The following RAPGEF6 variants were observed in gnomAD, a reference collection of about 807,000 sequenced individuals.
RAPGEF6 encodes PDZ domain containing guanine nucleotide exchange factor (GEF) 2.
Under a neutral mutation model 171.4 loss-of-function variants are expected in RAPGEF6, and 56 were observed. That is an observed-to-expected ratio of 0.33 (90% confidence interval 0.26 to 0.41). RAPGEF6 has a LOEUF of 0.41. RAPGEF6 is among the 10% of genes least tolerant of loss of function. The probability of loss-of-function intolerance (pLI) is 1.00; values close to 1 mark genes in which losing one functional copy is unlikely to be tolerated. For missense variants in RAPGEF6, 1,674 were observed against 1,921.4 expected (o/e 0.87, Z 2.41); for synonymous variants, 692 against 650.1 (o/e 1.06, Z -0.98).
intron 4 of RAPGEF6, among the ~76,000 whole-genome samples, chr5:131,575,234 G>A (rs1400706113): frequency 6.6e-6 from 1 of 152,070 alleles, no homozygotes; most frequent in Non-Finnish European, 1.5e-5. Flanking sequence ...TACTGCCAAG[G>A]CTTCAGAGAC....
intron 5 of RAPGEF6, among the ~76,000 whole-genome samples, chr5:131,553,183 A>T (rs1295195168): frequency 1.3e-5 from 2 of 152,154 alleles, no homozygotes; most frequent in African/African-American, 4.8e-5. Flanking sequence ...GAGCACAGAG[A>T]AGGCCTAAAA....
At chr5:131,559,408 G>A (rs1346720844) in intron 5 of RAPGEF6, among the ~76,000 whole-genome samples, 2 of 152,102 alleles carry the variant, frequency 1.3e-5, no homozygotes, top group Non-Finnish European at 2.9e-5. Flanking sequence ...TTTTACTAAG[G>A]ACAATTTTTG....
rs1755349901 is a variant in RAPGEF6 at position 131,479,849 on chromosome 5, T to C, written c.1841-96A>G. On this transcript the variant is annotated intron_variant, in intron 15 of 27. Transcript: ENST00000509018. ...TAAGGATAAACACAGTGACTTTCCATTATTTGAACTTTCTCAGTCTCATTC... is the reference window on the plus strand; with the variant it reads ...TAAGGATAAACACAGTGACTTTCCACTATTTGAACTTTCTCAGTCTCATTC... 16 of 1,285,310 alleles carry C rather than the reference T, an allele frequency of 1.2e-5. No homozygotes were observed. The South Asian group carries it at 2.3e-4, about 19-fold the overall frequency. 79.6% of individuals were successfully genotyped at this position (1,285,310 alleles called of 1,614,324 possible). A position where few individuals can be genotyped will look rare whatever the true frequency, so the allele number is the denominator to read the frequency against.
chr5:131,486,709 C>A (rs1005288402), intron 15 of RAPGEF6, among the ~76,000 whole-genome samples: 10 of 142,140 alleles, frequency 7.0e-5, no homozygotes, highest in Admixed American at 2.9e-4. Flanking sequence ...ATATCCTGTT[C>A]TTGTTTCAAG....
chr5:131,521,126 G>T (rs951312309), intron 7 of RAPGEF6, among the ~76,000 whole-genome samples: 1 of 152,060 alleles, frequency 6.6e-6, no homozygotes, highest in Admixed American at 6.6e-5. Context: ...ACAAGCATTA[G>T]ATATTAATAT....
Position 131,427,146 on chromosome 5 carries a change from A to G in RAPGEF6, c.*120T>C. 1 of 912,600 alleles carries G rather than the reference A, an allele frequency of 1.1e-6. No individual in the cohort carries two copies. The highest frequency in any genetic ancestry group is 2.0e-5 in the Admixed American group (1 of 50,822). The allele number at this position is 912,600 out of a possible 1,614,324, so 56.5% of individuals were successfully genotyped here. On this transcript the variant is annotated 3_prime_UTR_variant, in exon 28 of 28. Transcript: ENST00000509018. The stretch of plus-strand genomic sequence containing the variant: ...TTTCATTGCTCGGAGTAGAGGGAAT[A>G]AAACCTCTGGACTGGTTGTAGCAAT...
At chr5:131,484,724 T>C (rs1235772314) in intron 15 of RAPGEF6, among the ~76,000 whole-genome samples, 4 of 152,160 alleles carry the variant, frequency 2.6e-5, no homozygotes, top group Non-Finnish European at 5.9e-5. Flanking sequence ...AATATGACAT[T>C]AACTCAACAG....
chr5:131,594,843 G>C (rs1763800842), intron 3 of RAPGEF6, among the ~76,000 whole-genome samples: 1 of 152,074 alleles, frequency 6.6e-6, no homozygotes, highest in African/African-American at 2.4e-5. Context: ...CCTTTATTTT[G>C]GCCAATTTCT....
rs3776014 is a variant in RAPGEF6 at position 131,531,456 on chromosome 5, A to G, written c.496-9935T>C. ...TACAACCTAGCCTGGAAGGTTGTAT[A>G]GCACTTTGCTTTTTTGTGAGTTATT... On this transcript the variant is annotated intron_variant, in intron 6 of 27. Transcript: ENST00000509018. 3.3e-4 allele frequency among the ~76,000 whole-genome samples: 51 copies of G among 152,334 alleles called. 1 individual carries two copies. The East Asian group carries it at 9.1e-3, about 27-fold the overall frequency.
chr5:131,508,827 G>A (rs1303390137), intron 8 of RAPGEF6, among the ~76,000 whole-genome samples: 2 of 152,138 alleles, frequency 1.3e-5, no homozygotes, highest in Non-Finnish European at 2.9e-5. Flanking sequence ...ATATCCATAG[G>A]ACATAGGAAT....
chr5:131,429,280 C>A, intron 26 of RAPGEF6, 64 bp from the exon 27 acceptor site: 2 of 1,320,768 alleles, frequency 1.5e-6, no homozygotes, highest in East Asian at 2.4e-5. Context: ...AAGAAACCAC[C>A]CCACAAACTT....
chr5:131,473,831 C>CTGTT (rs1412729727), intron 16 of RAPGEF6, among the ~76,000 whole-genome samples: 1 of 152,052 alleles, frequency 6.6e-6, no homozygotes, highest in Non-Finnish European at 1.5e-5. Context: ...GAGAGTTAGA[C>CTGTT]TGTTAAATAA....
At chr5:131,548,418 A>C (rs1358945746) in intron 5 of RAPGEF6, among the ~76,000 whole-genome samples, 8 of 152,222 alleles carry the variant, frequency 5.3e-5, no homozygotes, top group African/African-American at 1.9e-4. Flanking sequence ...TCTCTTGTGC[A>C]CATAAACATA....
At chr5:131,444,774 T>A (rs1033587113) in intron 22 of RAPGEF6, among the ~76,000 whole-genome samples, 2 of 152,168 alleles carry the variant, frequency 1.3e-5, no homozygotes, top group African/African-American at 4.8e-5. Context: ...CTGTGTTTCA[T>A]AACCATAAGA....
At chr5:131,515,439 A>G (rs554773400) in intron 7 of RAPGEF6, among the ~76,000 whole-genome samples, 1 of 152,332 alleles carries the variant, frequency 6.6e-6, no homozygotes, top group African/African-American at 2.4e-5. Flanking sequence ...CTTGAAGCCA[A>G]TATTGGTTTC....
chr5:131,536,868 A>T (rs1269542534), intron 6 of RAPGEF6, among the ~76,000 whole-genome samples: 1 of 152,234 alleles, frequency 6.6e-6, no homozygotes. Flanking sequence ...TATAAATGAT[A>T]AAAAATGAAC....
intron 13 of RAPGEF6, among the ~76,000 whole-genome samples, chr5:131,494,940 A>C (rs1163213562): frequency 8.5e-5 from 13 of 152,150 alleles, no homozygotes; most frequent in Admixed American, 8.5e-4. Flanking sequence ...CTGAGGGTAC[A>C]CATATAACAC....
intron 24 of RAPGEF6, among the ~76,000 whole-genome samples, chr5:131,437,252 C>T (rs1390083170): frequency 4.6e-5 from 7 of 152,158 alleles, no homozygotes; most frequent in African/African-American, 1.4e-4. Flanking sequence ...ACATGGTGTT[C>T]AATTGTTGGC....
At chr5:131,473,251 G>C (rs987585843) in intron 16 of RAPGEF6, among the ~76,000 whole-genome samples, 2 of 152,038 alleles carry the variant, frequency 1.3e-5, no homozygotes, top group African/African-American at 4.8e-5. Flanking sequence ...AGTAAGAGTG[G>C]TCTTTAAACA....
Sources: allele counts gnomAD v4.1 joint callset (sites outside exome capture counted in the v4.1 genomes callset), GRCh38; gene constraint gnomAD v4.1.1; transcripts MANE v1.5; gene names NCBI Gene and HGNC (gene_info 2026-07-23, HGNC 2026-07-21).